RIMKLB: variants seen among roughly 807,000 people sequenced by gnomAD.
The protein encoded by RIMKLB is ribosomal modification protein rimK like family member B.
A neutral mutation model predicts 32.0 loss-of-function variants in RIMKLB; 7 were observed. That is an observed-to-expected ratio of 0.22 (90% CI 0.12 to 0.41). The LOEUF (loss-of-function observed/expected upper bound fraction) is 0.41. Among genes scored for constraint, RIMKLB ranks in the 10% least tolerant of loss-of-function variants. The probability of loss-of-function intolerance (pLI) is 1.00; values close to 1 mark genes in which losing one functional copy is unlikely to be tolerated. For synonymous variants in RIMKLB, 172 were observed against 185.1 expected, an observed-to-expected ratio of 0.93 and a Z score of 0.57; for missense variants, 289 against 498.7, an observed-to-expected ratio of 0.58 and a Z score of 4.00.
chr12:8,777,215 CTTT>C (rs35828763), downstream of RIMKLB: 2,543 of 701,926 alleles, frequency 3.6e-3, no homozygotes, highest in African/African-American at 0.026. Context: ...TGCTTGCTTT[CTTT>C]TTTTTTTTTT....
chr12:8,735,403 T>C (rs1946908305), intron 2 of RIMKLB, among the ~76,000 whole-genome samples: 2 of 152,184 alleles, frequency 1.3e-5, no homozygotes, highest in Admixed American at 1.3e-4. Flanking sequence ...CTAATTTTTG[T>C]ATTTTTAGTA....
intron 1 of RIMKLB, among the ~76,000 whole-genome samples, chr12:8,698,529 C>G (rs1943067430): frequency 6.6e-6 from 1 of 152,022 alleles, no homozygotes; most frequent in African/African-American, 2.4e-5. Context: ...TGCCGGGAGG[C>G]GCCGGCCCGT....
chr12:8,711,280 C>G (rs188449306), intron 1 of RIMKLB, among the ~76,000 whole-genome samples: 1 of 151,842 alleles, frequency 6.6e-6, no homozygotes, highest in Non-Finnish European at 1.5e-5. Context: ...CCTGTCATCT[C>G]AGCTACTTGG....
At chr12:8,772,483 TAGA>T (rs1950492980) in intron 5 of RIMKLB, among the ~76,000 whole-genome samples, 3 of 152,232 alleles carry the variant, frequency 2.0e-5, no homozygotes, top group African/African-American at 4.8e-5. Context: ...GCCTCAGTCT[TAGA>T]AGTGCTGTGA....
At chr12:8,763,049 C>T (rs1949664256) in intron 5 of RIMKLB, among the ~76,000 whole-genome samples, 1 of 152,352 alleles carries the variant, frequency 6.6e-6, no homozygotes, top group East Asian at 1.9e-4. Flanking sequence ...CTGACAGCCA[C>T]AAGTCTCTTT....
At chr12:8,783,058 T>C (rs1951190906) in exon 8 of RIMKLB, 1 of 152,202 alleles carries the variant, frequency 6.6e-6, no homozygotes, top group South Asian at 2.1e-4. Flanking sequence ...ATTCCGTCTG[T>C]TTTCTAAATA....
chr12:8,748,964 C>T (rs1173808799), intron 2 of RIMKLB, among the ~76,000 whole-genome samples: 1 of 151,920 alleles, frequency 6.6e-6, no homozygotes, highest in East Asian at 1.9e-4. Context: ...ATATAAATAC[C>T]TTGTTTGTGT....
intron 5 of RIMKLB, among the ~76,000 whole-genome samples, chr12:8,764,886 T>C (rs1949828962): frequency 6.6e-6 from 1 of 151,482 alleles, no homozygotes; most frequent in Non-Finnish European, 1.5e-5. Flanking sequence ...CCAGCCTTTC[T>C]GTTCCAGAGC....
At chr12:8,675,561 C>A in the RIMKLB span, among the ~76,000 whole-genome samples, 33 of 152,272 alleles carry the variant, frequency 2.2e-4, no homozygotes, top group Admixed American at 2.0e-3. Flanking sequence ...TCAAAAGGGT[C>A]AAGATCTAAT....
At chr12:8,761,483 G>A (rs757144927) in intron 5 of RIMKLB, among the ~76,000 whole-genome samples, 3 of 151,948 alleles carry the variant, frequency 2.0e-5, no homozygotes, top group East Asian at 1.9e-4. Context: ...GGGGATTGTC[G>A]CTCCCTGCTC....
At chr12:8,754,706 G>T (rs1219819483) in intron 5 of RIMKLB, among the ~76,000 whole-genome samples, 1 of 152,020 alleles carries the variant, frequency 6.6e-6, no homozygotes, top group African/African-American at 2.4e-5. Context: ...TGCTTACTCA[G>T]TATCTCCAAA....
At chr12:8,741,145 G>T (rs1947477053) in intron 2 of RIMKLB, among the ~76,000 whole-genome samples, 1 of 152,148 alleles carries the variant, frequency 6.6e-6, no homozygotes, top group Non-Finnish European at 1.5e-5. Flanking sequence ...GACGGAGGTT[G>T]CAGTGAGCCG....
chr12:8,674,957 G>T, the RIMKLB span, among the ~76,000 whole-genome samples: 1 of 148,360 alleles, frequency 6.7e-6, no homozygotes, highest in Non-Finnish European at 1.5e-5. Context: ...TCCACCTCCT[G>T]GGTTCAAGCA....
At chr12:8,689,419 C>T (rs1041219493) in intron 1 of RIMKLB, among the ~76,000 whole-genome samples, 4 of 152,286 alleles carry the variant, frequency 2.6e-5, no homozygotes, top group Non-Finnish European at 5.9e-5. Flanking sequence ...AAACTGCAAC[C>T]ATTACAATCT....
At chr12:8,731,932 C>CTT (rs1946584787) in intron 2 of RIMKLB, among the ~76,000 whole-genome samples, 3 of 151,930 alleles carry the variant, frequency 2.0e-5, no homozygotes, top group Non-Finnish European at 2.9e-5. Flanking sequence ...AGTTTATTGC[C>CTT]TGTTTTTCTT....
intron 2 of RIMKLB, among the ~76,000 whole-genome samples, chr12:8,748,620 TA>T (rs941542252): frequency 1.4e-5 from 2 of 146,954 alleles, no homozygotes; most frequent in Admixed American, 6.8e-5. Flanking sequence ...TATATATATA[TA>T]ATTTTTTTTT....
intron 2 of RIMKLB, among the ~76,000 whole-genome samples, chr12:8,731,561 A>C (rs189830233): frequency 6.6e-6 from 1 of 152,234 alleles, no homozygotes; most frequent in African/African-American, 2.4e-5. Context: ...TCTGGTCAGC[A>C]ATTGGTAAAC....
chr12:8,688,183 G>A (rs1449277977), intron 1 of RIMKLB, among the ~76,000 whole-genome samples: 1 of 152,226 alleles, frequency 6.6e-6, no homozygotes, highest in Non-Finnish European at 1.5e-5. Context: ...CTGACTGCAA[G>A]AAACGGGAGT....
chr12:8,700,172 T>G (rs900202552), intron 1 of RIMKLB: 4 of 152,204 alleles, frequency 2.6e-5, no homozygotes, highest in Admixed American at 2.6e-4. Flanking sequence ...TAAACTCTTC[T>G]AAATCTTCCA....
Sources: allele counts gnomAD v4.1 joint callset (sites outside exome capture counted in the v4.1 genomes callset), GRCh38; gene constraint gnomAD v4.1.1; transcripts MANE v1.5; gene names NCBI Gene and HGNC (gene_info 2026-07-23, HGNC 2026-07-21).